Variants in ZRANB3 observed in about 807,000 individuals in gnomAD.
ZRANB3 encodes the protein zinc finger RANBP2-type containing 3, also known as DNA annealing helicase and endonuclease ZRANB3.
Under a neutral mutation model 133.8 loss-of-function variants are expected in ZRANB3, and 125 were observed. The observed-to-expected ratio is 0.93, with a 90% CI of 0.81 to 1.08. The LOEUF is 1.08. Ranked by LOEUF, ZRANB3 falls within the 50% of genes least tolerant of loss-of-function variation. ZRANB3 has a pLI of 0.00. For missense variants in ZRANB3, 1,229 were observed against 1,275.5 expected (o/e 0.96, Z 0.56); for synonymous variants, 387 against 432.7 (o/e 0.89, Z 1.31).
intron 13 of ZRANB3, 29 bp downstream of exon 13, chr2:135,230,484 A>AC (rs1694950771): frequency 6.8e-7 from 1 of 1,468,640 alleles, no homozygotes; most frequent in South Asian, 1.6e-5. Context: ...AACAGCCCTT[A>AC]CCTCCATGGT....
chr2:135,475,561 C>T (rs187183511), intron 2 of ZRANB3, among the ~76,000 whole-genome samples: 2 of 152,132 alleles, frequency 1.3e-5, no homozygotes, highest in Admixed American at 6.5e-5. Context: ...ATGAACAGAA[C>T]CTAAAGCCAG....
intron 2 of ZRANB3, among the ~76,000 whole-genome samples, chr2:135,424,845 C>A (rs906276553): frequency 2.0e-5 from 3 of 152,158 alleles, no homozygotes; most frequent in African/African-American, 4.8e-5. Context: ...AACCCTAAAG[C>A]CACTCCTACA....
At chr2:135,384,283 G>C (rs1455521865) in intron 3 of ZRANB3, among the ~76,000 whole-genome samples, 3 of 152,112 alleles carry the variant, frequency 2.0e-5, no homozygotes, top group African/African-American at 7.2e-5. Flanking sequence ...ACTCTCCCAA[G>C]ACTAAACCAG....
chr2:135,216,759 A>G (rs537305456), intron 17 of ZRANB3, among the ~76,000 whole-genome samples: 5 of 152,276 alleles, frequency 3.3e-5, no homozygotes, highest in African/African-American at 9.6e-5. Context: ...TTTCAAAAGC[A>G]AGGATTGGGC....
rs369937378 is a variant in ZRANB3, at chr2:135,360,488, A to G, written c.181-6860T>C. On this transcript the variant is annotated intron_variant, in intron 3 of 20. Transcript: ENST00000264159. ...TGGGAGGCCAAGGTGGGCGGATCACAAGGTCAGGAGATCGAGACCATCCTG... is the reference window on the plus strand; with the variant it reads ...TGGGAGGCCAAGGTGGGCGGATCACGAGGTCAGGAGATCGAGACCATCCTG... Among the ~76,000 whole-genome samples, 77 of 151,844 alleles carry G rather than the reference A, an allele frequency of 5.1e-4. No individual in the cohort carries two copies. The East Asian group carries it at 7.2e-3, about 14-fold the overall frequency.
chr2:135,336,487 G>C (rs1684376743), intron 6 of ZRANB3, among the ~76,000 whole-genome samples: 1 of 152,180 alleles, frequency 6.6e-6, no homozygotes, highest in African/African-American at 2.4e-5. Context: ...TAAAATGCCA[G>C]GAAGTGACTT....
At chr2:135,280,939 T>C (rs533320377) in intron 8 of ZRANB3, among the ~76,000 whole-genome samples, 20 of 152,306 alleles carry the variant, frequency 1.3e-4, no homozygotes, top group African/African-American at 4.8e-4. Context: ...GTCATTTCAG[T>C]GAAAATCCCC....
At chr2:135,219,254 AC>A in intron 15 of ZRANB3, 76 bp from the exon 16 acceptor site, 1 of 938,914 alleles carries the variant, frequency 1.1e-6, no homozygotes, top group South Asian at 1.8e-5. Context: ...GAAAATAATT[AC>A]ATTATGACAC....
chr2:135,451,375 A>G (rs1277728510), intron 2 of ZRANB3, among the ~76,000 whole-genome samples: 1 of 152,106 alleles, frequency 6.6e-6, no homozygotes, highest in Non-Finnish European at 1.5e-5. Flanking sequence ...TAGCCTGGCC[A>G]ACATGGAGAA....
rs1317937049 is a variant in ZRANB3 at position 135,397,074 on chromosome 2, CTAT to C, written c.162-6257_162-6255del. 4.6e-5 allele frequency among the ~76,000 whole-genome samples: 7 copies of C among 151,698 alleles called. No homozygotes were observed. The East Asian group carries it at 1.4e-3, about 30-fold the overall frequency. ...CCCAGGAGATTGAGTCTGTAGTGAG[CTAT>C]TATTATCATGCTACTGTGCTCCAGC... On this transcript the variant is annotated intron_variant, in intron 2 of 20. Coordinates refer to ENST00000264159, the MANE Select transcript of ZRANB3 (RefSeq NM_032143.4).
intron 2 of ZRANB3, among the ~76,000 whole-genome samples, chr2:135,456,406 C>T (rs560948699): frequency 6.6e-6 from 1 of 152,294 alleles, no homozygotes; most frequent in Admixed American, 6.5e-5. Flanking sequence ...CATGGCCTTA[C>T]ATTACCTGTA....
intron 2 of ZRANB3, among the ~76,000 whole-genome samples, chr2:135,480,240 C>T (rs776696139): frequency 1.9e-4 from 29 of 152,058 alleles, no homozygotes; most frequent in Non-Finnish European, 2.4e-4. Context: ...CAGCGCTTGG[C>T]CTCATACTTT....
intron 2 of ZRANB3, among the ~76,000 whole-genome samples, chr2:135,413,304 T>G (rs1185799224): frequency 6.6e-6 from 1 of 152,170 alleles, no homozygotes; most frequent in African/African-American, 2.4e-5. Context: ...TCTTACGTGT[T>G]ATGTGGTCTC....
At chr2:135,406,493 C>A (rs1040483550) in intron 2 of ZRANB3, among the ~76,000 whole-genome samples, 2 of 152,286 alleles carry the variant, frequency 1.3e-5, no homozygotes, top group African/African-American at 4.8e-5. Context: ...CATTCTGATA[C>A]CAAAGCCTAG....
At chr2:135,456,199 CT>C (rs1452806775) in intron 2 of ZRANB3, among the ~76,000 whole-genome samples, 1 of 152,152 alleles carries the variant, frequency 6.6e-6, no homozygotes, top group African/African-American at 2.4e-5. Context: ...AATTTATTTC[CT>C]AATCACATAG....
chr2:135,243,577 C>T (rs1271646341), intron 12 of ZRANB3, among the ~76,000 whole-genome samples: 1 of 152,188 alleles, frequency 6.6e-6, no homozygotes, highest in South Asian at 2.1e-4. Flanking sequence ...AATTTAATGC[C>T]TTAACCATAC....
At chr2:135,378,184 T>C (rs1686512578) in intron 3 of ZRANB3, among the ~76,000 whole-genome samples, 1 of 152,200 alleles carries the variant, frequency 6.6e-6, no homozygotes, top group East Asian at 1.9e-4. Context: ...GAACCCTGAC[T>C]AACTCAAGTT....
At chr2:135,231,531 G>T (rs1367270258) in intron 12 of ZRANB3, among the ~76,000 whole-genome samples, 4 of 152,172 alleles carry the variant, frequency 2.6e-5, no homozygotes. Flanking sequence ...AGGCTGATAT[G>T]GCAGGACTGC....
intron 4 of ZRANB3, among the ~76,000 whole-genome samples, chr2:135,352,768 TTTTA>T (rs1158600685): frequency 3.9e-5 from 6 of 152,182 alleles, no homozygotes; most frequent in South Asian, 2.1e-4. Context: ...CTGTACTGCT[TTTTA>T]TTTAAGGTTC....
Sources: gnomAD v4.1 joint callset for allele counts (sites outside exome capture counted in the v4.1 genomes callset) on GRCh38, gnomAD v4.1.1 for gene constraint, MANE v1.5 for transcripts, NCBI Gene and HGNC (gene_info 2026-07-23, HGNC 2026-07-21) for gene names.